The following ADCY9 variants were observed in gnomAD, a reference collection of about 807,000 sequenced individuals.
ADCY9 encodes adenylate cyclase 9.
Under a neutral mutation model 101.5 loss-of-function variants are expected in ADCY9, and 50 were observed. The ratio of observed to expected loss-of-function variants is 0.49; its 90% CI spans 0.39 to 0.62. ADCY9 has a LOEUF of 0.62. Among genes scored for constraint, ADCY9 ranks in the 20% least tolerant of loss-of-function variants. The pLI, the probability that ADCY9 is intolerant of heterozygous loss-of-function variation, is 0.00. For synonymous variants in ADCY9, 905 were observed against 769.3 expected (o/e 1.18, Z -2.92); for missense variants, 1,662 against 1,800.4 (o/e 0.92, Z 1.39).
chr16:4,112,670 A>G (rs1000124189), intron 2 of ADCY9, among the ~76,000 whole-genome samples: 1 of 152,066 alleles, frequency 6.6e-6, no homozygotes, highest in Non-Finnish European at 1.5e-5. Context: ...TTAAGTATGC[A>G]GTGTGTGGGG....
chr16:3,982,756 C>T (rs1441968360), intron 7 of ADCY9: 2 of 161,660 alleles, frequency 1.2e-5, no homozygotes, highest in Non-Finnish European at 2.7e-5. Context: ...AGCTTAACTT[C>T]TGAGGAAGTT....
At chr16:4,053,545 G>T (rs975161485) in intron 2 of ADCY9, among the ~76,000 whole-genome samples, 7 of 152,216 alleles carry the variant, frequency 4.6e-5, no homozygotes, top group Non-Finnish European at 8.8e-5. Context: ...CACAATGGCT[G>T]ATTGTGTGGC....
chr16:3,988,899 C>A, intron 6 of ADCY9, 95 bp downstream of exon 6: 1 of 949,828 alleles, frequency 1.1e-6, no homozygotes, highest in East Asian at 2.4e-5. Context: ...CCTTCGTGTT[C>A]CCATCCCTTG....
intron 9 of ADCY9, among the ~76,000 whole-genome samples, chr16:3,975,566 G>A (rs1222582147): frequency 6.6e-6 from 1 of 152,128 alleles, no homozygotes; most frequent in African/African-American, 2.4e-5. Context: ...GAGGTCCTTG[G>A]CAACAGCAAT....
chr16:3,955,697 T>C (rs1008944447), intron 5 of ADCY9, among the ~76,000 whole-genome samples: 1 of 151,948 alleles, frequency 6.6e-6, no homozygotes, highest in Non-Finnish European at 1.5e-5. Flanking sequence ...TATAGGCGCA[T>C]GCCACCACGC....
At chr16:4,074,922 C>T (rs146557960) in intron 2 of ADCY9, among the ~76,000 whole-genome samples, 156 of 151,814 alleles carry the variant, frequency 1.0e-3, no homozygotes, top group Non-Finnish European at 1.7e-3. Context: ...CACCTGTAAT[C>T]CCAATACTTT....
chr16:4,074,716 C>CAAAAAAAAAAAA (rs55742993), intron 2 of ADCY9, among the ~76,000 whole-genome samples: 2 of 100,432 alleles, frequency 2.0e-5, no homozygotes, highest in East Asian at 2.8e-4. Flanking sequence ...TACCCAGTGG[C>CAAAAAAAAAAAA]AAAAAAAAAA....
chr16:4,110,376 C>CTTTTTTTTTTTTT (rs1170090126), intron 2 of ADCY9, among the ~76,000 whole-genome samples: 1 of 110,742 alleles, frequency 9.0e-6, no homozygotes, highest in African/African-American at 3.6e-5. Context: ...CTTATACCTA[C>CTTTTTTTTTTTTT]TTTTTTTTTT....
chr16:4,007,164 G>A (rs1192619234), intron 3 of ADCY9, among the ~76,000 whole-genome samples: 1 of 152,084 alleles, frequency 6.6e-6, no homozygotes, highest in Non-Finnish European at 1.5e-5. Flanking sequence ...AGGCAATGGA[G>A]GTGCGTCATA....
At chr16:4,090,424 A>G (rs948584108) in intron 2 of ADCY9, among the ~76,000 whole-genome samples, 3 of 152,164 alleles carry the variant, frequency 2.0e-5, no homozygotes, top group African/African-American at 7.2e-5. Flanking sequence ...AATAAAAATG[A>G]ACTATGAACT....
rs532003652 is a variant in ADCY9, at chr16:4,053,576, A to G, written c.1694-46018T>C. Among the ~76,000 whole-genome samples, 25 of 152,266 alleles carry G rather than the reference A, an allele frequency of 1.6e-4. No individual in the cohort carries two copies. The East Asian group carries it at 4.8e-3, about 29-fold the overall frequency. ...GTGGCCCAGCTGTCTGTGTCTATCA[A>G]GAAGGGCAGGAGTGGACAGCCTGCA... On this transcript the variant is annotated intron_variant, in intron 2 of 10. Transcript: ENST00000294016.
At chr16:4,047,193 G>A (rs192352489) in intron 2 of ADCY9, among the ~76,000 whole-genome samples, 1 of 151,894 alleles carries the variant, frequency 6.6e-6, no homozygotes, top group Non-Finnish European at 1.5e-5. Context: ...AAAATATTAG[G>A]ATTTATAAAG....
At chr16:4,056,191 G>A (rs1280258543) in intron 2 of ADCY9, among the ~76,000 whole-genome samples, 1 of 152,210 alleles carries the variant, frequency 6.6e-6, no homozygotes, top group Non-Finnish European at 1.5e-5. Flanking sequence ...ATTTATAGAA[G>A]ATCTCCAGGC....
At position 3,993,393 on chromosome 16, in the gene ADCY9, A is replaced by G; in HGVS notation, c.1989+13T>C. 6.2e-7 allele frequency: 1 copy of G among 1,613,268 alleles called. No individual in the cohort carries two copies. Among genetic ancestry groups the G allele is most frequent in the Non-Finnish European group, 8.5e-7 (1 of 1,179,178 alleles). On this transcript the variant is annotated intron_variant, in intron 4 of 10. Transcript: ENST00000294016. ...AGAGGAACTGACAGGAACAACAGCC[A>G]TGAGCTTGTTACCTTGGTGCTGTTT...
At chr16:4,077,742 G>C (rs755614235) in intron 2 of ADCY9, among the ~76,000 whole-genome samples, 3 of 152,178 alleles carry the variant, frequency 2.0e-5, no homozygotes, top group Non-Finnish European at 2.9e-5. Flanking sequence ...ACTCACACCT[G>C]TAATCCCAAC....
chr16:4,037,726 C>A (rs2056599100), intron 2 of ADCY9, among the ~76,000 whole-genome samples: 1 of 152,174 alleles, frequency 6.6e-6, no homozygotes, highest in South Asian at 2.1e-4. Context: ...TGATGCTGAG[C>A]ATTTTTTATT....
At chr16:4,097,534 T>C (rs1416518919) in intron 2 of ADCY9, among the ~76,000 whole-genome samples, 1 of 46,048 alleles carries the variant, frequency 2.2e-5, no homozygotes, top group Non-Finnish European at 4.0e-5. Flanking sequence ...TGTACATATA[T>C]ATATATATAT....
At chr16:4,034,335 C>T (rs544801576) in intron 2 of ADCY9, among the ~76,000 whole-genome samples, 23 of 152,284 alleles carry the variant, frequency 1.5e-4, no homozygotes, top group African/African-American at 5.5e-4. Context: ...ACTAGGCTTC[C>T]ATGCCATATA....
chr16:4,113,246 C>A (rs915717445), intron 2 of ADCY9, among the ~76,000 whole-genome samples: 4 of 151,822 alleles, frequency 2.6e-5, no homozygotes, highest in African/African-American at 9.7e-5. Context: ...TCTCCAGAGA[C>A]CTGCAGGACT....
Sources: allele counts gnomAD v4.1 joint callset (sites outside exome capture counted in the v4.1 genomes callset), GRCh38; gene constraint gnomAD v4.1.1; transcripts MANE v1.5; gene names NCBI Gene and HGNC (gene_info 2026-07-23, HGNC 2026-07-21).